UNC13C: variants seen among roughly 807,000 people sequenced by gnomAD.
The protein encoded by UNC13C is unc-13 homolog C.
In UNC13C, 174 loss-of-function variants were observed where a neutral mutation model predicts 245.4. The ratio of observed to expected loss-of-function variants is 0.71; its 90% CI spans 0.63 to 0.80. The LOEUF is 0.80. UNC13C is among the 30% of genes least tolerant of loss of function. The pLI is 0.00. For missense variants in UNC13C, 2,829 were observed against 2,602.9 expected, an observed-to-expected ratio of 1.09 and a Z score of -1.89; for synonymous variants, 992 against 895.1, an observed-to-expected ratio of 1.11 and a Z score of -1.93.
chr15:54,042,854 GAAAAGAAAAAGA>G (rs141412468), intron 2 of UNC13C, among the ~76,000 whole-genome samples: 61,443 of 150,368 alleles, frequency 0.41, 13,753 homozygotes, highest in East Asian at 0.49. Context: ...CTCTGTCTCA[GAAAAGAAAAAGA>G]AAAAGAAAAA....
At chr15:54,177,869 A>T (rs2033667495) in intron 4 of UNC13C, among the ~76,000 whole-genome samples, 1 of 152,082 alleles carries the variant, frequency 6.6e-6, no homozygotes, top group South Asian at 2.1e-4. Context: ...AAATCCTGTG[A>T]TATGTTGTAT....
chr15:54,536,791 T>TAA (rs1228021307), intron 26 of UNC13C, among the ~76,000 whole-genome samples: 1 of 152,000 alleles, frequency 6.6e-6, no homozygotes. Context: ...CGCCTCATGT[T>TAA]AAAAACCCTC....
chr15:54,628,773 A>AAAT (rs1444916747), downstream of UNC13C: 4 of 151,974 alleles, frequency 2.6e-5, no homozygotes, highest in African/African-American at 7.3e-5. Flanking sequence ...AAAAGTCAAA[A>AAAT]AATAACAGAT....
the UNC13C span, among the ~76,000 whole-genome samples, chr15:53,907,186 A>T: frequency 6.6e-6 from 1 of 152,126 alleles, no homozygotes; most frequent in African/African-American, 2.4e-5. Context: ...CTTTGGGTGT[A>T]TGAACTACCA....
At chr15:54,306,503 G>C (rs185963983) in intron 13 of UNC13C, among the ~76,000 whole-genome samples, 236 of 152,048 alleles carry the variant, frequency 1.6e-3, no homozygotes, top group Non-Finnish European at 2.6e-3. Context: ...AGTTCTTGAT[G>C]CTTTTCATCT....
chr15:54,440,315 T>C (rs1259451416), intron 19 of UNC13C, among the ~76,000 whole-genome samples: 1 of 151,950 alleles, frequency 6.6e-6, no homozygotes, highest in Non-Finnish European at 1.5e-5. Context: ...CAGCCTTGGG[T>C]ATTTCTTTAT....
intron 8 of UNC13C, among the ~76,000 whole-genome samples, chr15:54,251,665 T>C (rs973868633): frequency 1.3e-5 from 2 of 152,386 alleles, no homozygotes; most frequent in African/African-American, 4.8e-5. Flanking sequence ...CAAAAAGTTA[T>C]ATTTCAACAT....
chr15:54,447,308 C>T (rs569138295), intron 19 of UNC13C, among the ~76,000 whole-genome samples: 3 of 152,194 alleles, frequency 2.0e-5, no homozygotes, highest in Admixed American at 6.5e-5. Flanking sequence ...GGGAGGATTC[C>T]CTCTTTTTCT....
intron 2 of UNC13C, among the ~76,000 whole-genome samples, chr15:54,017,337 G>T (rs149394206): frequency 6.6e-6 from 1 of 152,118 alleles, no homozygotes; most frequent in Non-Finnish European, 1.5e-5. Flanking sequence ...ATCTTATATT[G>T]GAGTGATTTT....
At chr15:54,324,605 C>T (rs1329857965) in intron 14 of UNC13C, among the ~76,000 whole-genome samples, 12 of 151,448 alleles carry the variant, frequency 7.9e-5, no homozygotes, top group African/African-American at 2.4e-4. Context: ...GTGATTTTAT[C>T]GCACCATTGC....
At chr15:53,981,517 T>C (rs927625916) in intron 1 of UNC13C, among the ~76,000 whole-genome samples, 1 of 152,160 alleles carries the variant, frequency 6.6e-6, no homozygotes, top group Admixed American at 6.6e-5. Context: ...AGCAAAAAAT[T>C]GCAAATTCAA....
Position 53,988,003 on chromosome 15 carries a change from T to C in UNC13C, c.-257+9076T>C, listed in dbSNP as rs137913925. 2.5e-3 allele frequency among the ~76,000 whole-genome samples: 386 copies of C among 152,070 alleles called. 2 individuals are homozygous for C. Among genetic ancestry groups the C allele is most frequent in the Non-Finnish European group, 4.8e-3 (329 of 67,920 alleles). On this transcript the variant is annotated intron_variant, in intron 1 of 32. Transcript: ENST00000260323. ...GATGGGTTTGTGTGAGTTTAATGTGTGGTTACCTGTGCAGAGGCCTAAAGG... is the reference window on the plus strand; with the variant it reads ...GATGGGTTTGTGTGAGTTTAATGTGCGGTTACCTGTGCAGAGGCCTAAAGG...
At chr15:54,491,158 C>T (rs1893683968) in intron 19 of UNC13C, among the ~76,000 whole-genome samples, 1 of 152,158 alleles carries the variant, frequency 6.6e-6, no homozygotes, top group Non-Finnish European at 1.5e-5. Flanking sequence ...GTAAATGAAA[C>T]TGAGTTGCTT....
the UNC13C span, among the ~76,000 whole-genome samples, chr15:53,939,811 ACG>A: frequency 1.4e-4 from 16 of 113,152 alleles, no homozygotes; most frequent in Non-Finnish European, 3.0e-4. Flanking sequence ...AAGAGAAAGG[ACG>A]AGAGAGAGAG....
At chr15:54,461,424 A>G (rs557702877) in intron 19 of UNC13C, among the ~76,000 whole-genome samples, 1 of 152,322 alleles carries the variant, frequency 6.6e-6, no homozygotes, top group South Asian at 2.1e-4. Flanking sequence ...TGTATATCAT[A>G]TAATCTATCT....
chr15:54,414,405 G>C (rs752673075), intron 18 of UNC13C, among the ~76,000 whole-genome samples: 1 of 152,116 alleles, frequency 6.6e-6, no homozygotes, highest in African/African-American at 2.4e-5. Context: ...TCAGCACTCT[G>C]GGAGGCCAAG....
intron 4 of UNC13C, among the ~76,000 whole-genome samples, chr15:54,192,150 T>C (rs2034206800): frequency 6.6e-6 from 1 of 152,200 alleles, no homozygotes; most frequent in Non-Finnish European, 1.5e-5. Flanking sequence ...AAAGGCAATT[T>C]CTTTATTCCT....
the UNC13C span, chr15:53,948,175 A>T: frequency 6.6e-6 from 1 of 152,208 alleles, no homozygotes; most frequent in East Asian, 1.9e-4. Flanking sequence ...ATTTTCTAAA[A>T]TAATAAATCT....
intron 4 of UNC13C, among the ~76,000 whole-genome samples, chr15:54,152,738 C>A (rs1490477883): frequency 6.6e-6 from 1 of 151,976 alleles, no homozygotes; most frequent in Non-Finnish European, 1.5e-5. Context: ...TGAAAATAAC[C>A]CCACTAAATA....
Sources: gnomAD v4.1 joint callset for allele counts (sites outside exome capture counted in the v4.1 genomes callset) on GRCh38, gnomAD v4.1.1 for gene constraint, MANE v1.5 for transcripts, NCBI Gene and HGNC (gene_info 2026-07-23, HGNC 2026-07-21) for gene names.